PKHD1L1: variants seen among roughly 807,000 people sequenced by gnomAD.
PKHD1L1 encodes the protein fibrocystin-L.
In PKHD1L1, 434 loss-of-function variants were observed where a neutral mutation model predicts 462.9. The observed-to-expected ratio is 0.94, with a 90% CI of 0.87 to 1.02. PKHD1L1 has a LOEUF of 1.02. Ranked by LOEUF, PKHD1L1 falls within the 50% of genes least tolerant of loss-of-function variation. The pLI is 0.00. For synonymous variants in PKHD1L1, 1,781 were observed against 1,750.0 expected (o/e 1.02, Z -0.44); for missense variants, 5,202 against 5,096.1 (o/e 1.02, Z -0.63).
chr8:109,386,596 T>A (rs965894784), intron 6 of PKHD1L1, among the ~76,000 whole-genome samples: 2 of 152,234 alleles, frequency 1.3e-5, no homozygotes, highest in African/African-American at 2.4e-5. Flanking sequence ...CACATTTGTA[T>A]GCATCTATAA....
At chr8:109,443,606 A>G (rs2130750277) in intron 36 of PKHD1L1, 70 bp from the exon 37 acceptor site, 1 of 1,166,158 alleles carries the variant, frequency 8.6e-7, no homozygotes, top group South Asian at 1.5e-5. Flanking sequence ...ATAAAGAGTA[A>G]CGCAGTTTGA....
chr8:109,527,924 G>A (rs146095532), intron 77 of PKHD1L1, among the ~76,000 whole-genome samples: 2 of 152,278 alleles, frequency 1.3e-5, no homozygotes, highest in Non-Finnish European at 2.9e-5. Context: ...GCCCATTCCT[G>A]AACAAATCAC....
rs77665341 is a variant in PKHD1L1, at chr8:109,441,389, A to G, written c.4204+10A>G. On this transcript the variant is annotated intron_variant, in intron 34 of 77. Transcript: ENST00000378402. ...AATGGGAAAGATTCAGGTATCAGCC[A>G]TTTATATACTATGAAATAATGGAAG... The G allele has an allele frequency of 1.1e-3, 1,520 of 1,422,756 alleles. 13 individuals carry two copies. In the African/African-American group the frequency reaches 0.02, roughly 19 times the overall value. The allele number at this position is 1,422,756 out of a possible 1,614,324, so 88.1% of individuals were successfully genotyped here.
Position 109,452,775 on chromosome 8 carries a change from A to G in PKHD1L1, c.6565A>G (p.Lys2189Glu), listed in dbSNP as rs754040994. 2.6e-6 allele frequency: 4 copies of G among 1,534,446 alleles called. No homozygotes were observed. The highest frequency in any genetic ancestry group is 2.5e-5 in the East Asian group (1 of 40,622). Residue 2189 changes from lysine (K) to glutamate (E), a missense_variant, in exon 43 of 78, where the codon AAA becomes GAA. Lys to Glu is a moderately conservative substitution (Grantham distance 56, BLOSUM62 1). Transcript: ENST00000378402. ...GTCCTCCAATTTCTCATGGGGGGGA[A>G]AATCTCCCCCAGAAGAAGGATCTCT... The part of the protein sequence containing the change: ...AWSSNFSWGG[K>E]SPPEEGSLVV...
At chr8:109,390,945 CAATA>C in intron 9 of PKHD1L1, among the ~76,000 whole-genome samples, 1 of 152,038 alleles carries the variant, frequency 6.6e-6, no homozygotes. Flanking sequence ...ATCTTAACAG[CAATA>C]TTAATAACTC....
At chr8:109,382,638 T>G in intron 4 of PKHD1L1, 67 bp downstream of exon 4, 1 of 1,305,222 alleles carries the variant, frequency 7.7e-7, no homozygotes, top group Non-Finnish European at 1.1e-6. Flanking sequence ...AGAACTGAAT[T>G]TTTCCTTTTT....
At chr8:109,446,930 T>TA (rs1313460071) in intron 38 of PKHD1L1, among the ~76,000 whole-genome samples, 1 of 152,160 alleles carries the variant, frequency 6.6e-6, no homozygotes, top group Non-Finnish European at 1.5e-5. Context: ...GATTGTATCT[T>TA]AAAACTATTC....
chr8:109,382,618 T>C, intron 4 of PKHD1L1, 47 bp downstream of exon 4: 1 of 1,488,802 alleles, frequency 6.7e-7, no homozygotes, highest in Admixed American at 1.9e-5. Context: ...GATCTTGCTT[T>C]CTTTCCTGCA....
chr8:109,436,198 G>C, intron 29 of PKHD1L1, 140 bp from the exon 30 acceptor site: 1 of 832,874 alleles, frequency 1.2e-6, no homozygotes, highest in African/African-American at 1.7e-5. Flanking sequence ...TCTCAAGTCT[G>C]GTCCTTGATC....
At chr8:109,472,140 C>T (rs958847791) in intron 50 of PKHD1L1, among the ~76,000 whole-genome samples, 8 of 151,870 alleles carry the variant, frequency 5.3e-5, no homozygotes, top group Admixed American at 3.3e-4. Context: ...TAAGGTACAT[C>T]ATATTGTAGT....
Position 109,394,418 on chromosome 8 carries a change from T to C in PKHD1L1, c.744T>C (p.Ser248=), listed in dbSNP as rs1812864234. ...SFILDNDYGR[S]FPQKMAYFVS... is the part of the protein sequence containing the mutation. ...AAATTTAATCTTTTTTTAACAGGAG[T>C]TTTCCACAGAAAATGGCATATTTTG... The change falls in exon 10 of 78, where the codon AGT becomes AGC. Residue 248 remains serine (S), a synonymous_variant. Transcript: ENST00000378402. 3.4e-6 allele frequency: 5 copies of C among 1,479,376 alleles called. No individual in the cohort carries two copies. The highest frequency in any genetic ancestry group is 4.5e-6 in the Non-Finnish European group (5 of 1,104,520). The allele number at this position is 1,479,376 out of a possible 1,614,324, so 91.6% of individuals were successfully genotyped here. A position where few individuals can be genotyped will look rare whatever the true frequency, so the allele number is the denominator to read the frequency against.
chr8:109,466,753 TC>T lies in PKHD1L1; in HGVS notation c.8590del (p.Leu2864PhefsTer17), dbSNP rs1563577534. ...TATCTCTGCTTGAAAAGGATGTGGT[TC>T]TTTCAGACTCTTTTGGTAAGTGGAA... ...PVSLLEKDVV[L>X]SDSFGTSIIP... On this transcript the variant is annotated frameshift_variant, in exon 50 of 78. Coordinates refer to ENST00000378402, the MANE Select transcript of PKHD1L1 (RefSeq NM_177531.6). LOFTEE classifies it high-confidence loss of function. The T allele has an allele frequency of 6.2e-7, 1 of 1,611,886 alleles. No homozygotes were observed. The highest frequency in any genetic ancestry group is 1.1e-5 in the South Asian group (1 of 90,648).
At chr8:109,491,444 G>GT (rs1190164641) in intron 61 of PKHD1L1, among the ~76,000 whole-genome samples, 1 of 151,700 alleles carries the variant, frequency 6.6e-6, no homozygotes, top group Non-Finnish European at 1.5e-5. Context: ...TCTTACATGA[G>GT]TTATCTAATC....
intron 56 of PKHD1L1, 34 bp from the exon 57 acceptor site, chr8:109,482,953 G>A (rs1283288545): frequency 1.2e-5 from 17 of 1,374,862 alleles, no homozygotes; most frequent in African/African-American, 3.0e-5. Context: ...AGTACTGTGG[G>A]GTGAATAAGT....
At position 109,406,328 on chromosome 8, in the gene PKHD1L1, A is replaced by G. The variant is rs1307822453; in HGVS notation, c.1670-7A>G. 8 of 1,542,912 alleles carry G rather than the reference A, an allele frequency of 5.2e-6. No individual in the cohort carries two copies. Among genetic ancestry groups the G allele is most frequent in the Non-Finnish European group, 6.1e-6 (7 of 1,144,404 alleles). On this transcript the variant is annotated splice_polypyrimidine_tract_variant and splice_region_variant and intron_variant, in intron 16 of 77. Coordinates refer to ENST00000378402, the MANE Select transcript of PKHD1L1 (RefSeq NM_177531.6). ...TTGTTTGTTTGTTTGTTTTAATCCA[A>G]TCAAAGTCTTCCTACCTGCTGATGC...
intron 13 of PKHD1L1, 103 bp downstream of exon 13, chr8:109,400,447 T>C (rs1440759177): frequency 1.6e-5 from 20 of 1,276,556 alleles, no homozygotes; most frequent in Non-Finnish European, 2.0e-5. Context: ...TTAAAATGTA[T>C]GAGAAATGAT....
intron 2 of PKHD1L1, among the ~76,000 whole-genome samples, chr8:109,375,303 G>A (rs1184809579): frequency 1.3e-5 from 2 of 152,168 alleles, no homozygotes; most frequent in African/African-American, 4.8e-5. Flanking sequence ...CAGCTACTGA[G>A]GCTTGTGCAT....
In PKHD1L1 at chr8:109,393,933, T is replaced by A. The variant is rs533799807; in HGVS notation, c.741-482T>A. On this transcript the variant is annotated intron_variant, in intron 9 of 77. Coordinates refer to ENST00000378402, the MANE Select transcript of PKHD1L1 (RefSeq NM_177531.6). ...GGCTCACGCCTGTAATCCCAGCACT[T>A]TGGGAGGCCGAGGATGGATCACGAG... Among the ~76,000 whole-genome samples the A allele has an allele frequency of 3.0e-3, 458 of 152,084 alleles. 2 individuals are homozygous for A. Among genetic ancestry groups the A allele is most frequent in the African/African-American group, 0.01 (434 of 41,514 alleles).
At chr8:109,368,254 A>T (rs1811326857) in intron 2 of PKHD1L1, among the ~76,000 whole-genome samples, 1 of 152,116 alleles carries the variant, frequency 6.6e-6, no homozygotes, top group Admixed American at 6.5e-5. Context: ...TGGCACACAC[A>T]TTTTTGTTGA....
Sources: gnomAD v4.1 joint callset for allele counts (sites outside exome capture counted in the v4.1 genomes callset) on GRCh38, gnomAD v4.1.1 for gene constraint, MANE v1.5 for transcripts, NCBI Gene and HGNC (gene_info 2026-07-23, HGNC 2026-07-21) for gene names.